Variants in MRPL47 observed in about 807,000 individuals in gnomAD.
The protein encoded by MRPL47 is large ribosomal subunit protein uL29m.
In MRPL47, 31 loss-of-function variants were observed where a neutral mutation model predicts 34.0. That is an observed-to-expected ratio of 0.91 (90% CI 0.68 to 1.23). The LOEUF (loss-of-function observed/expected upper bound fraction) is 1.23, where lower values mean the gene tolerates loss of function less well. Ranked by LOEUF, MRPL47 falls within the 50% of genes most tolerant of loss-of-function variation. MRPL47 has a pLI of 0.00. For synonymous variants in MRPL47, 106 were observed against 101.6 expected (o/e 1.04, Z -0.26); for missense variants, 328 against 285.8 (o/e 1.15, Z -1.07).
intron 3 of MRPL47, among the ~76,000 whole-genome samples, chr3:179,601,266 G>A (rs565851904): frequency 6.6e-6 from 1 of 152,236 alleles, no homozygotes; most frequent in African/African-American, 2.4e-5. Flanking sequence ...AAATTAGCTG[G>A]GTGTGGTGGT....
chr3:179,594,676 G>T lies in MRPL47; in HGVS notation c.403-781C>A, dbSNP rs537164738. ...TTTTTGTATTTTTATTAGAGATGGGGTTTCACCATGTTGGCCAGGCTGGTC... is the reference window on the plus strand; with the variant it reads ...TTTTTGTATTTTTATTAGAGATGGGTTTTCACCATGTTGGCCAGGCTGGTC... On this transcript the variant is annotated intron_variant, in intron 4 of 6. Transcript: ENST00000476781. Among the ~76,000 whole-genome samples, 26 of 152,152 alleles carry T rather than the reference G, an allele frequency of 1.7e-4. 1 individual carries two copies. The highest frequency in any genetic ancestry group is 4.6e-4 in the Admixed American group (7 of 15,278).
At chr3:179,594,774 G>A (rs923258270) in intron 4 of MRPL47, among the ~76,000 whole-genome samples, 6 of 151,998 alleles carry the variant, frequency 3.9e-5, no homozygotes, top group African/African-American at 1.2e-4. Context: ...ATGAGCAACC[G>A]CACCCGGCCT....
intron 5 of MRPL47, 49 bp from the exon 6 acceptor site, chr3:179,592,788 A>G (rs760194212): frequency 8.4e-7 from 1 of 1,185,042 alleles, no homozygotes; most frequent in Non-Finnish European, 1.2e-6. Flanking sequence ...CATTTAATAC[A>G]TTTTCACTTT....
intron 6 of MRPL47, among the ~76,000 whole-genome samples, chr3:179,590,195 C>A (rs2108377442): frequency 6.6e-6 from 1 of 152,088 alleles, no homozygotes; most frequent in Non-Finnish European, 1.5e-5. Flanking sequence ...AAAAATTAGC[C>A]AGGCGTGGTG....
rs1384776360 is a variant in MRPL47 at position 179,602,671 on chromosome 3, C to A, written c.225G>T (p.Gly75=). The A allele has an allele frequency of 2.5e-6, 4 of 1,609,340 alleles. No individual in the cohort carries two copies. The highest frequency in any genetic ancestry group is 2.5e-6 in the Non-Finnish European group (3 of 1,178,266). ...TCTCACCAGATTTTACTTTTTCTTGCCCCCAGTTTTTTGGGTCATCAAAAA... is the reference window on the plus strand; with the variant it reads ...TCTCACCAGATTTTACTTTTTCTTGACCCCAGTTTTTTGGGTCATCAAAAA... ...EEFFDDPKNW[G]QEKVKSGAAW... Residue 75 remains glycine (G), a synonymous_variant, in exon 2 of 7, where the codon GGG becomes GGT. Transcript: ENST00000476781.
At chr3:179,590,016 A>G (rs2339842) in intron 6 of MRPL47, among the ~76,000 whole-genome samples, 2,779 of 152,324 alleles carry the variant, frequency 0.018, 84 homozygotes, top group East Asian at 0.11. Flanking sequence ...TAAAAGTGAT[A>G]CTGGATTGAT....
In MRPL47 at chr3:179,588,925, G is replaced by A. The variant is rs762120814; in HGVS notation, c.700C>T (p.Leu234Phe). 1 of 1,613,646 alleles carries A rather than the reference G, an allele frequency of 6.2e-7. No homozygotes were observed. The highest frequency in any genetic ancestry group is 1.1e-5 in the South Asian group (1 of 91,028). Residue 234 changes from leucine to phenylalanine, a missense_variant, in exon 7 of 7, where the codon CTT becomes TTT. Leu to Phe is a conservative substitution (Grantham distance 22, BLOSUM62 0). Transcript: ENST00000476781. Reference protein sequence around the residue: ...ENLERKKAKILLKKFPHLAEA... With the variant: ...ENLERKKAKIFLKKFPHLAEA... ...GCAAGATGTGGAAACTTTTTTAAAAGAATTTTTGCTTTCTTTCTCTCTAAA... is the reference window on the plus strand; with the variant it reads ...GCAAGATGTGGAAACTTTTTTAAAAAAATTTTTGCTTTCTTTCTCTCTAAA...
In MRPL47 at chr3:179,588,989, T is replaced by C; in HGVS notation, c.636A>G (p.Glu212=). 6.2e-7 allele frequency: 1 copy of C among 1,607,038 alleles called. No individual in the cohort carries two copies. The highest frequency in any genetic ancestry group is 1.1e-5 in the South Asian group (1 of 89,786). ...LPYVDHFLRL[E]REKRARIKAR... ...CTTTGATGCGGGCTCGTTTCTCACG[T>C]TCCAGTCTAGAATAAAAAAAGCGTA... Residue 212 remains glutamate, a synonymous_variant, in exon 7 of 7, where the codon GAA becomes GAG. Transcript: ENST00000476781.
intron 4 of MRPL47, among the ~76,000 whole-genome samples, chr3:179,595,331 G>A (rs1718768593): frequency 6.6e-6 from 1 of 152,312 alleles, no homozygotes; most frequent in Non-Finnish European, 1.5e-5. Context: ...TTACAGACGT[G>A]AGCCATTGCA....
At chr3:179,590,887 T>C (rs1026043369) in intron 6 of MRPL47, among the ~76,000 whole-genome samples, 2 of 152,082 alleles carry the variant, frequency 1.3e-5, no homozygotes, top group Admixed American at 6.5e-5. Context: ...ATTAAATATA[T>C]AGCAATGGTG....
rs550598278 is a variant in MRPL47 at position 179,593,631 on chromosome 3, GC to G, written c.533+133del. The G allele has an allele frequency of 2.6e-4, 191 of 729,848 alleles. No individual in the cohort carries two copies. The East Asian group carries it at 4.5e-3, about 17-fold the overall frequency. 45.2% of individuals were successfully genotyped at this position (729,848 alleles called of 1,614,324 possible). On this transcript the variant is annotated intron_variant, in intron 5 of 6. Transcript: ENST00000476781. ...TCATTAAAGTCCAAAGGGGTGTGGG[GC>G]CTCTTCTTTTATTAGACATATCTCT...
Position 179,599,086 on chromosome 3 carries a change from T to C in MRPL47, c.306-315A>G, listed in dbSNP as rs534316608. On this transcript the variant is annotated intron_variant, in intron 3 of 6. Coordinates refer to ENST00000476781, the MANE Select transcript of MRPL47 (RefSeq NM_020409.3). ...TGGGAGACTAAGGCAGGAGGATTGC[T>C]TGAGCCTAGGAATTTGAGGCTATAG... Among the ~76,000 whole-genome samples, 336 of 152,142 alleles carry C rather than the reference T, an allele frequency of 2.2e-3. 2 individuals are homozygous for C. The highest frequency in any genetic ancestry group is 7.6e-3 in the African/African-American group (316 of 41,500).
At chr3:179,598,212 C>T (rs1040215411) in intron 4 of MRPL47, among the ~76,000 whole-genome samples, 1 of 151,962 alleles carries the variant, frequency 6.6e-6, no homozygotes, top group Non-Finnish European at 1.5e-5. Flanking sequence ...CATGGTGAAA[C>T]CACATTTATA....
intron 3 of MRPL47, among the ~76,000 whole-genome samples, chr3:179,599,949 AAC>A (rs1339795545): frequency 6.6e-6 from 1 of 151,920 alleles, no homozygotes; most frequent in Non-Finnish European, 1.5e-5. Context: ...AACATGGTGA[AAC>A]CCCGTCTCTA....
rs548251870 is a variant in MRPL47, at chr3:179,598,785, C to T, written c.306-14G>A. 2 of 1,523,730 alleles carry T rather than the reference C, an allele frequency of 1.3e-6. No individual in the cohort carries two copies. The highest frequency in any genetic ancestry group is 9.1e-7 in the Non-Finnish European group (1 of 1,098,982). 94.4% of individuals were successfully genotyped at this position (1,523,730 alleles called of 1,614,324 possible). ...AGTAAGACATACCTATACAAAAGAA[C>T]ACAAACCTTGTGATGCTATTCTGTG... On this transcript the variant is annotated splice_polypyrimidine_tract_variant and intron_variant, in intron 3 of 6. Coordinates refer to ENST00000476781, the MANE Select transcript of MRPL47 (RefSeq NM_020409.3).
rs1438346086 is a variant in MRPL47, at chr3:179,588,393, CATTCCAGAAATATATTTTGG to C, written c.*459_*478del. 1.1e-5 allele frequency: 2 copies of C among 186,662 alleles called. No homozygotes were observed. The highest frequency in any genetic ancestry group is 4.7e-5 in the African/African-American group (2 of 42,220). The allele number at this position is 186,662 out of a possible 1,614,324, so 11.6% of individuals were successfully genotyped here. ...CTTACAGAATTAAATAAAAATTAGCCATTCCAGAAATATATTTTGGACTGTTGTGCACTGTGATTACTACT... is the reference window on the plus strand; with the variant it reads ...CTTACAGAATTAAATAAAAATTAGCCACTGTTGTGCACTGTGATTACTACT... On this transcript the variant is annotated 3_prime_UTR_variant, in exon 7 of 7. Transcript: ENST00000476781.
intron 1 of MRPL47, 26 bp downstream of exon 1, chr3:179,604,501 G>A (rs1483419105): frequency 6.3e-7 from 1 of 1,596,368 alleles, no homozygotes. Context: ...GGAGAGGTGG[G>A]CAAACCTACT....
intron 6 of MRPL47, among the ~76,000 whole-genome samples, chr3:179,590,055 T>C (rs1012691842): frequency 1.3e-5 from 2 of 152,106 alleles, no homozygotes; most frequent in Non-Finnish European, 2.9e-5. Flanking sequence ...TTAAAAGTTA[T>C]GTCATGGACA....
At chr3:179,600,347 A>G (rs1430148648) in intron 3 of MRPL47, among the ~76,000 whole-genome samples, 1 of 152,154 alleles carries the variant, frequency 6.6e-6, no homozygotes, top group Non-Finnish European at 1.5e-5. Flanking sequence ...TACATCAACA[A>G]ACATAAATGT....
Sources: allele counts gnomAD v4.1 joint callset (sites outside exome capture counted in the v4.1 genomes callset), GRCh38; gene constraint gnomAD v4.1.1; transcripts MANE v1.5; gene names NCBI Gene and HGNC (gene_info 2026-07-23, HGNC 2026-07-21).